ADAM11: variants seen among roughly 807,000 people sequenced by gnomAD.
ADAM11 encodes disintegrin and metalloproteinase domain-containing protein 11.
In ADAM11, 49 loss-of-function variants were observed where a neutral mutation model predicts 119.1. The ratio of observed to expected loss-of-function variants is 0.41; its 90% CI spans 0.33 to 0.52. The LOEUF (loss-of-function observed/expected upper bound fraction) is 0.52, where lower values mean the gene tolerates loss of function less well. ADAM11 is among the 20% of genes least tolerant of loss of function. The pLI, the probability that ADAM11 is intolerant of heterozygous loss-of-function variation, is 0.20. For synonymous variants in ADAM11, 364 were observed against 408.0 expected (o/e 0.89, Z 1.30); for missense variants, 777 against 1,047.5 (o/e 0.74, Z 3.56).
chr17:44,775,437 G>T lies in ADAM11; in HGVS notation c.1364G>T (p.Gly455Val). 1 of 1,610,230 alleles carries T rather than the reference G, an allele frequency of 6.2e-7. No homozygotes were observed. ...PECGNGFVEAGEECDCGSVQE... is the reference protein window; with the variant it reads ...PECGNGFVEAVEECDCGSVQE... ...TGCGGGAACGGCTTCGTGGAGGCAGGGGAGGAGTGCGACTGCGGCTCGGTG... is the reference window on the plus strand; with the variant it reads ...TGCGGGAACGGCTTCGTGGAGGCAGTGGAGGAGTGCGACTGCGGCTCGGTG... Residue 455 changes from glycine (G) to valine (V), a missense_variant, in exon 16 of 27, where the codon GGG (glycine) becomes GTG (valine). Gly to Val is a moderately radical substitution (Grantham distance 109, BLOSUM62 -3). Around this residue, in one of 4 missense-constraint regions of ADAM11, gnomAD observed 348 missense variants for 486.7 expected, o/e 0.72. Transcript: ENST00000200557. This position sits in a 1 kb window ranked among gnomAD's most constrained non-coding sequence, Gnocchi z 7.5.
Position 44,775,648 on chromosome 17 carries a change from G to T in ADAM11, c.1457G>T (p.Ser486Ile). 1 of 1,591,238 alleles carries T rather than the reference G, an allele frequency of 6.3e-7. No homozygotes were observed. ...KCTLTHDAMCSDGLCCRRCKY... is the reference protein window; with the variant it reads ...KCTLTHDAMCIDGLCCRRCKY... ...ACCCTGACTCACGACGCCATGTGCA[G>T]CGACGGGCTCTGCTGTCGCCGCTGC... is the stretch of plus-strand genomic sequence containing the variant. The change falls in exon 17 of 27, where the codon AGC becomes ATC. Residue 486 changes from serine to isoleucine, a missense_variant. Coordinates refer to ENST00000200557, the MANE Select transcript of ADAM11 (RefSeq NM_002390.6). The surrounding 1 kb of genome is among the most constrained non-coding windows in gnomAD (Gnocchi z 7.5).
chr17:44,776,909 A>C lies in ADAM11; in HGVS notation c.1628A>C (p.Tyr543Ser), dbSNP rs747488523. The change falls in exon 20 of 27, where the codon TAC becomes TCC. Residue 543 changes from tyrosine (Y) to serine (S), a missense_variant. This residue lies in a region of ADAM11 where 348 missense variants were observed against 486.7 expected (regional missense o/e 0.72). Coordinates refer to ENST00000200557, the MANE Select transcript of ADAM11 (RefSeq NM_002390.6). This position sits in a 1 kb window ranked among gnomAD's most constrained non-coding sequence, Gnocchi z 5.2. Reference protein sequence around the residue: ...YYCDHEQGRCYGGRCKTRDRQ... With the variant: ...YYCDHEQGRCSGGRCKTRDRQ... ...TTCTTGGACTCTCAGGGCCGCTGCT[A>C]CGGAGGTCGCTGCAAAACCCGGGAC... 3.7e-6 allele frequency: 6 copies of C among 1,613,426 alleles called. No homozygotes were observed. Among genetic ancestry groups the C allele is most frequent in the Non-Finnish European group, 5.1e-6 (6 of 1,179,554 alleles).
At position 44,777,906 on chromosome 17, in the gene ADAM11, G is replaced by A; in HGVS notation, c.2070+43G>A. 5 of 1,613,736 alleles carry A rather than the reference G, an allele frequency of 3.1e-6. No homozygotes were observed. The highest frequency in any genetic ancestry group is 4.2e-6 in the Non-Finnish European group (5 of 1,179,964). ...GGGATGGCGGGAGAAGCTTACAAGA[G>A]GGGACAGGCCCCTGCTCACCTCTCC... On this transcript the variant is annotated intron_variant, in intron 23 of 26. Coordinates refer to ENST00000200557, the MANE Select transcript of ADAM11 (RefSeq NM_002390.6). This position sits in a 1 kb window ranked among gnomAD's most constrained non-coding sequence, Gnocchi z 5.1.
chr17:44,772,156 T>G lies in ADAM11; in HGVS notation c.544-111T>G. The G allele has an allele frequency of 2.8e-6, 3 of 1,062,886 alleles. No homozygotes were observed. The highest frequency in any genetic ancestry group is 4.1e-6 in the Non-Finnish European group (3 of 726,984). The allele number at this position is 1,062,886 out of a possible 1,614,324, so 65.8% of individuals were successfully genotyped here. Reference sequence around the variant, plus strand: ...GATCCGACATGGGAGCTGTGGCCAGTTCTGGGTCACCCCAGGGTGGGGTGG... The same window carrying G: ...GATCCGACATGGGAGCTGTGGCCAGGTCTGGGTCACCCCAGGGTGGGGTGG... On this transcript the variant is annotated intron_variant, in intron 6 of 26. Transcript: ENST00000200557. This position sits in a 1 kb window ranked among gnomAD's most constrained non-coding sequence, Gnocchi z 4.5.
At position 44,777,130 on chromosome 17, in the gene ADAM11, G is replaced by A. The variant is rs769973894; in HGVS notation, c.1682-36G>A. 1.3e-6 allele frequency: 2 copies of A among 1,576,080 alleles called. No homozygotes were observed. Among genetic ancestry groups the A allele is most frequent in the South Asian group, 2.3e-5 (2 of 85,750 alleles). On this transcript the variant is annotated intron_variant, in intron 20 of 26. Transcript: ENST00000200557. This position sits in a 1 kb window ranked among gnomAD's most constrained non-coding sequence, Gnocchi z 5.1. ...GCCTGAGGTCTTGGGGTGGGTCCTG[G>A]GGCGCGTGGGGTCACTTGGCATCCT... is the stretch of plus-strand genomic sequence containing the variant.
chr17:44,780,109 GGCCC>G lies in ADAM11; in HGVS notation c.*356_*359del, dbSNP rs1257539050. 3 of 629,042 alleles carry G rather than the reference GGCCC, an allele frequency of 4.8e-6. No individual in the cohort carries two copies. In the African/African-American group the frequency reaches 5.4e-5, roughly 11 times the overall value. 39.0% of individuals were successfully genotyped at this position (629,042 alleles called of 1,614,324 possible). ...AGCCACCAGTGGACCTAGCCTGGAT[GGCCC>G]CTCCTTGCAACCAGGCAGCTGAGAC... On this transcript the variant is annotated 3_prime_UTR_variant, in exon 27 of 27. Transcript: ENST00000200557.
chr17:44,767,097 A>C lies in ADAM11; in HGVS notation c.238-2621A>C, dbSNP rs912941443. 7.9e-5 allele frequency among the ~76,000 whole-genome samples: 12 copies of C among 152,186 alleles called. No individual in the cohort carries two copies. The East Asian group carries it at 2.3e-3, about 29-fold the overall frequency. On this transcript the variant is annotated intron_variant, in intron 2 of 26. Transcript: ENST00000200557. ...ACATTCGCTGGGCATGGTGGCTCAC[A>C]TTTGCAATCCCAGCACTTTGGGATG...
Position 44,773,065 on chromosome 17 carries a change from G to A in ADAM11, c.805G>A (p.Val269Met). 2 of 1,613,820 alleles carry A rather than the reference G, an allele frequency of 1.2e-6. No individual in the cohort carries two copies. The highest frequency in any genetic ancestry group is 1.7e-6 in the Non-Finnish European group (2 of 1,179,912). ...VVLTSNFAKSVVNLADVIYKE... is the reference protein window; with the variant it reads ...VVLTSNFAKSMVNLADVIYKE... Reference sequence around the variant, plus strand: ...CCTCACCAGCAACTTTGCCAAGTCCGTGGTGAACCTGGCCGATGTGGTAAG... The same window carrying A: ...CCTCACCAGCAACTTTGCCAAGTCCATGGTGAACCTGGCCGATGTGGTAAG... Residue 269 changes from valine (V) to methionine (M), a missense_variant, in exon 10 of 27, where the codon GTG becomes ATG. This residue lies in a region of ADAM11 where 147 missense variants were observed against 223.3 expected (regional missense o/e 0.66). Transcript: ENST00000200557. The surrounding 1 kb of genome is among the most constrained non-coding windows in gnomAD (Gnocchi z 4.6).
rs1196984286 is a variant in ADAM11 at position 44,778,062 on chromosome 17, T to C, written c.2181T>C (p.Tyr727=). The C allele has an allele frequency of 6.2e-7, 1 of 1,612,800 alleles. No individual in the cohort carries two copies. Among genetic ancestry groups the C allele is most frequent in the Non-Finnish European group, 8.5e-7 (1 of 1,179,248 alleles). The change falls in exon 24 of 27, where the codon TAT becomes TAC. Residue 727 remains tyrosine, a synonymous_variant. Coordinates refer to ENST00000200557, the MANE Select transcript of ADAM11 (RefSeq NM_002390.6). ...CACCCACGGGGGAGACGGAGAGATATAAAGGTGAGGCTGGAGCTGGCCGAG... is the reference window on the plus strand; with the variant it reads ...CACCCACGGGGGAGACGGAGAGATACAAAGGTGAGGCTGGAGCTGGCCGAG... The part of the protein sequence containing the change: ...TSPPTGETER[Y]KGPSGTNIII...
chr17:44,775,299 C>T lies in ADAM11; in HGVS notation c.1308C>T (p.Asn436=), dbSNP rs998911245. Residue 436 remains asparagine (N), a synonymous_variant, in exon 15 of 27, where the codon AAC becomes AAT. Coordinates refer to ENST00000200557, the MANE Select transcript of ADAM11 (RefSeq NM_002390.6). This position sits in a 1 kb window ranked among gnomAD's most constrained non-coding sequence, Gnocchi z 7.5. ...LQEGGGSCLF[N]KPLKLLDPPE... is the part of the protein sequence containing the mutation. ...AGGGTGGTGGCAGCTGCCTCTTCAA[C>T]AAGCCCCTCAAGGTACCAGCCCCGC... The T allele has an allele frequency of 3.1e-6, 5 of 1,613,824 alleles. No homozygotes were observed. Among genetic ancestry groups the T allele is most frequent in the Non-Finnish European group, 3.4e-6 (4 of 1,180,000 alleles).
chr17:44,777,881 G>A lies in ADAM11; in HGVS notation c.2070+18G>A. ...ACCACGGGGTGACTGCCTGGAGCCT[G>A]GGATGGCGGGAGAAGCTTACAAGAG... On this transcript the variant is annotated intron_variant, in intron 23 of 26. Transcript: ENST00000200557. The surrounding 1 kb of genome is among the most constrained non-coding windows in gnomAD (Gnocchi z 5.1). The A allele has an allele frequency of 2.5e-6, 4 of 1,613,422 alleles. No individual in the cohort carries two copies. Among genetic ancestry groups the A allele is most frequent in the South Asian group, 1.1e-5 (1 of 91,080 alleles).
In ADAM11 at chr17:44,778,143, C is replaced by A; in HGVS notation, c.2186-9C>A. On this transcript the variant is annotated splice_polypyrimidine_tract_variant and intron_variant, in intron 24 of 26. Transcript: ENST00000200557. ...GTCCTTGCCAGCTAAGCCCTGCCATCCTCCCCAGGTCCCAGCGGCACCAAC... is the reference window on the plus strand; with the variant it reads ...GTCCTTGCCAGCTAAGCCCTGCCATACTCCCCAGGTCCCAGCGGCACCAAC... 1 of 1,613,294 alleles carries A rather than the reference C, an allele frequency of 6.2e-7. No homozygotes were observed. The highest frequency in any genetic ancestry group is 8.5e-7 in the Non-Finnish European group (1 of 1,179,528).
chr17:44,777,352 G>A lies in ADAM11; in HGVS notation c.1781+87G>A, dbSNP rs969396863. On this transcript the variant is annotated intron_variant, in intron 21 of 26. Coordinates refer to ENST00000200557, the MANE Select transcript of ADAM11 (RefSeq NM_002390.6). This position sits in a 1 kb window ranked among gnomAD's most constrained non-coding sequence, Gnocchi z 5.1. ...ATGGGGCAGCAGGTTCTCCCAGGAG[G>A]AGCCTGTCAGTCCCAATGGGCGGGC... The A allele has an allele frequency of 2.6e-6, 4 of 1,531,886 alleles. No homozygotes were observed. Among genetic ancestry groups the A allele is most frequent in the South Asian group, 1.2e-5 (1 of 83,866 alleles). 94.9% of individuals were successfully genotyped at this position (1,531,886 alleles called of 1,614,324 possible).
At chr17:44,770,102 T>C in intron 4 of ADAM11, 54 bp downstream of exon 4, 1 of 1,590,696 alleles carries the variant, frequency 6.3e-7, no homozygotes, top group Non-Finnish European at 8.6e-7. Context: ...GTGCTGTTTC[T>C]GTGGTTCTGT....
At chr17:44,765,729 C>T (rs969609459) in intron 2 of ADAM11, among the ~76,000 whole-genome samples, 2 of 143,730 alleles carry the variant, frequency 1.4e-5, no homozygotes, top group East Asian at 4.3e-4. Flanking sequence ...CAAGCAATTC[C>T]CCTGCCTCAG....
rs150485193 is a variant in ADAM11 at position 44,780,374 on chromosome 17, C to T, written c.*620C>T. 5 of 340,240 alleles carry T rather than the reference C, an allele frequency of 1.5e-5. No individual in the cohort carries two copies. The East Asian group carries it at 3.5e-4, about 24-fold the overall frequency. The allele number at this position is 340,240 out of a possible 1,614,324, so 21.1% of individuals were successfully genotyped here. A position where few individuals can be genotyped will look rare whatever the true frequency, so the allele number is the denominator to read the frequency against. ...GAGCACAGTCAGGGGCTGGGCATCC[C>T]AGCTTGCCCCCGCTTAGCCCCGCTG... On this transcript the variant is annotated 3_prime_UTR_variant, in exon 27 of 27. Transcript: ENST00000200557.
chr17:44,759,226 C>T lies in ADAM11; in HGVS notation c.27C>T (p.Phe9=). 7.0e-7 allele frequency: 1 copy of T among 1,437,402 alleles called. No individual in the cohort carries two copies. Among genetic ancestry groups the T allele is most frequent in the Non-Finnish European group, 9.1e-7 (1 of 1,096,868 alleles). 89.0% of individuals were successfully genotyped at this position (1,437,402 alleles called of 1,614,324 possible). A position where few individuals can be genotyped will look rare whatever the true frequency, so the allele number is the denominator to read the frequency against. The change falls in exon 1 of 27, where the codon TTC becomes TTT. Residue 9 remains phenylalanine, a synonymous_variant. Transcript: ENST00000200557. MRLLRRWA[F]AALLLSLLPT... ...TGAGGCTGCTGCGGCGCTGGGCGTT[C>T]GCGGCTCTGCTGCTGTCGCTGCTCC...
chr17:44,766,427 C>T (rs1182226340), intron 2 of ADAM11, among the ~76,000 whole-genome samples: 5 of 152,188 alleles, frequency 3.3e-5, no homozygotes, highest in Admixed American at 6.5e-5. Flanking sequence ...TCTGTCTGCA[C>T]CCCGCATCTG....
intron 5 of ADAM11, 39 bp from the exon 6 acceptor site, chr17:44,771,717 G>A: frequency 6.2e-7 from 1 of 1,612,176 alleles, no homozygotes. Context: ...TCTGGCCCAG[G>A]CCTGGGGACG....
Sources: gnomAD v4.1 joint callset for allele counts (sites outside exome capture counted in the v4.1 genomes callset) on GRCh38, gnomAD v4.1.1 for gene constraint, gnomAD v4.1.1 regional missense constraint, Gnocchi (gnomAD v3.1) non-coding constraint, MANE v1.5 for transcripts, NCBI Gene and HGNC (gene_info 2026-07-23, HGNC 2026-07-21) for gene names.